CFTR: variants seen among roughly 807,000 people sequenced by gnomAD.
CFTR encodes CF transmembrane conductance regulator.
Under a neutral mutation model 171.6 loss-of-function variants are expected in CFTR, and 181 were observed. The observed-to-expected ratio is 1.05, with a 90% CI of 0.93 to 1.19. The LOEUF (loss-of-function observed/expected upper bound fraction) is 1.19. Ranked by LOEUF, CFTR falls within the 50% of genes most tolerant of loss-of-function variation. The pLI, the probability that CFTR is intolerant of heterozygous loss-of-function variation, is 0.00. For missense variants in CFTR, 1,968 were observed against 1,734.7 expected (o/e 1.13, Z -2.39); for synonymous variants, 583 against 608.0 (o/e 0.96, Z 0.60).
At position 117,569,645 on chromosome 7, in the gene CFTR, G is replaced by GAGAAA. The variant is rs553939466; in HGVS notation, c.1584+9993_1584+9997dup. On this transcript the variant is annotated intron_variant, in intron 11 of 26. Coordinates refer to ENST00000003084, the MANE Select transcript of CFTR (RefSeq NM_000492.4). Reference sequence around the variant, plus strand: ...GAGCATTTGAAATTTCAGTACAGAAGAGAAAAGGGGTGACTTATAGAAAAA... The same window carrying GAGAAA: ...GAGCATTTGAAATTTCAGTACAGAAGAGAAAAGAAAAGGGGTGACTTATAGAAAAA... 2.4e-3 allele frequency among the ~76,000 whole-genome samples: 371 copies of GAGAAA among 152,270 alleles called. 6 individuals are homozygous for GAGAAA. The highest frequency in any genetic ancestry group is 0.019 in the Admixed American group (287 of 15,284).
chr7:117,602,980 T>C (rs979231973), intron 16 of CFTR, 117 bp downstream of exon 16: 8 of 1,008,662 alleles, frequency 7.9e-6, no homozygotes, highest in Non-Finnish European at 1.3e-5. Context: ...CCAAGCATTA[T>C]GGTAGTGGAA....
Position 117,594,712 on chromosome 7 carries a change from C to T in CFTR, c.2491-218C>T, listed in dbSNP as rs543820105. ...ACATTTTTAGAATTTTGAAAAATTA[C>T]GATGTTTCTCATTTTTAATAAAGCT... On this transcript the variant is annotated intron_variant, in intron 14 of 26. Transcript: ENST00000003084. 4.8e-4 allele frequency among the ~76,000 whole-genome samples: 73 copies of T among 152,150 alleles called. 1 individual carries two copies. In the South Asian group the frequency reaches 9.8e-3, roughly 20 times the overall value.
chr7:117,600,132 GA>G lies in CFTR; in HGVS notation c.2620-2686del, dbSNP rs1192389411. ...AAAATTTCTTCAAAGCTATTAAACT[GA>G]AAAAAAATTAATTTGGTCTATTCAG... On this transcript the variant is annotated intron_variant, in intron 15 of 26. Transcript: ENST00000003084. Among the ~76,000 whole-genome samples, 9 of 151,550 alleles carry G rather than the reference GA, an allele frequency of 5.9e-5. No homozygotes were observed. In the South Asian group the frequency reaches 1.5e-3, roughly 25 times the overall value.
chr7:117,536,409 T>A (rs1798956008), intron 6 of CFTR, 139 bp from the exon 7 acceptor site: 2 of 860,214 alleles, frequency 2.3e-6, no homozygotes, highest in Non-Finnish European at 3.7e-6. Context: ...TTATTTTTGT[T>A]ACCATCTATT....
intron 10 of CFTR, among the ~76,000 whole-genome samples, chr7:117,553,516 A>T (rs1799304547): frequency 6.6e-6 from 1 of 152,204 alleles, no homozygotes; most frequent in Non-Finnish European, 1.5e-5. Context: ...ATTCGTACTC[A>T]TGCCATACAC....
intron 3 of CFTR, among the ~76,000 whole-genome samples, chr7:117,518,270 G>A (rs1367586016): frequency 6.8e-6 from 1 of 147,346 alleles, no homozygotes; most frequent in Non-Finnish European, 1.5e-5. Context: ...TCACATATAT[G>A]TCTCTAACCC....
Position 117,592,516 on chromosome 7 carries a change from T to C in CFTR, c.2349T>C (p.Ile783=). The C allele has an allele frequency of 6.5e-7, 1 of 1,529,498 alleles. No individual in the cohort carries two copies. The highest frequency in any genetic ancestry group is 8.8e-7 in the Non-Finnish European group (1 of 1,141,640). 94.7% of individuals were successfully genotyped at this position (1,529,498 alleles called of 1,614,324 possible). Reference sequence around the variant, plus strand: ...ACTCAGTTAACCAAGGTCAGAACATTCACCGAAAGACAACAGCATCCACAC... The same window carrying C: ...ACTCAGTTAACCAAGGTCAGAACATCCACCGAAAGACAACAGCATCCACAC... ...MTHSVNQGQN[I]HRKTTASTRK... The change falls in exon 14 of 27, where the codon ATT becomes ATC. Residue 783 remains isoleucine (I), a synonymous_variant. Transcript: ENST00000003084.
At chr7:117,560,974 G>A (rs758543641) in intron 11 of CFTR, among the ~76,000 whole-genome samples, 53 of 151,826 alleles carry the variant, frequency 3.5e-4, no homozygotes, top group Non-Finnish European at 6.3e-4. Flanking sequence ...TTTTTTTTGC[G>A]TTAAGTATGT....
At chr7:117,646,574 C>T (rs1197739478) in intron 23 of CFTR, among the ~76,000 whole-genome samples, 1 of 152,074 alleles carries the variant, frequency 6.6e-6, no homozygotes, top group East Asian at 1.9e-4. Context: ...CAAGTGCCAA[C>T]ATGGCTTCAC....
At chr7:117,537,039 G>C (rs1562891177) in intron 7 of CFTR, among the ~76,000 whole-genome samples, 1 of 152,106 alleles carries the variant, frequency 6.6e-6, no homozygotes, top group Non-Finnish European at 1.5e-5. Context: ...GAACCAAATA[G>C]ATGATTCTCT....
rs1798381390 is a variant in CFTR at position 117,504,371 on chromosome 7, C to CA, written c.164+9dup. On this transcript the variant is annotated intron_variant, in intron 2 of 26. Transcript: ENST00000003084. ...ATCTGAAAAATTGGAAAGGTATGTTCATGTACATTGTTTAGTTGAAGAGAG... is the reference window on the plus strand; with the variant it reads ...ATCTGAAAAATTGGAAAGGTATGTTCAATGTACATTGTTTAGTTGAAGAGAG... 3 of 1,315,962 alleles carry CA rather than the reference C, an allele frequency of 2.3e-6. No homozygotes were observed. The highest frequency in any genetic ancestry group is 1.4e-5 in the African/African-American group (1 of 69,114). The allele number at this position is 1,315,962 out of a possible 1,614,324, so 81.5% of individuals were successfully genotyped here.
chr7:117,595,154 TATATACAC>T (rs2077167310), intron 15 of CFTR, 96 bp downstream of exon 15: 1 of 954,000 alleles, frequency 1.0e-6, no homozygotes, highest in African/African-American at 1.6e-5. Context: ...TAAATATGTA[TATATACAC>T]ATGTATACAT....
At chr7:117,611,241 G>T (rs2116082890) in intron 19 of CFTR, among the ~76,000 whole-genome samples, 1 of 152,138 alleles carries the variant, frequency 6.6e-6, no homozygotes, top group East Asian at 1.9e-4. Flanking sequence ...CCTTAATTTA[G>T]ATACTTGAAA....
At chr7:117,568,989 C>T (rs1001971732) in intron 11 of CFTR, among the ~76,000 whole-genome samples, 1 of 152,216 alleles carries the variant, frequency 6.6e-6, no homozygotes, top group African/African-American at 2.4e-5. Flanking sequence ...AGGGTGAAAA[C>T]AATGTGTTCC....
chr7:117,542,275 A>G (rs1799068314), intron 9 of CFTR, among the ~76,000 whole-genome samples, 167 bp downstream of exon 9: 2 of 152,174 alleles, frequency 1.3e-5, no homozygotes, highest in South Asian at 4.1e-4. Flanking sequence ...AGGAATGGCC[A>G]GGTGCTCATG....
intron 22 of CFTR, among the ~76,000 whole-genome samples, chr7:117,635,241 A>C (rs1486348826): frequency 1.3e-5 from 2 of 152,102 alleles, no homozygotes; most frequent in Non-Finnish European, 1.5e-5. Context: ...GTTCTCTCTG[A>C]AAGAAATATA....
At chr7:117,549,630 G>A (rs1190944357) in intron 10 of CFTR, among the ~76,000 whole-genome samples, 1 of 152,154 alleles carries the variant, frequency 6.6e-6, no homozygotes, top group Non-Finnish European at 1.5e-5. Flanking sequence ...AAGGGCAATA[G>A]GTATTTGCTT....
At chr7:117,571,477 G>A (rs1374384548) in intron 11 of CFTR, among the ~76,000 whole-genome samples, 1 of 152,122 alleles carries the variant, frequency 6.6e-6, no homozygotes, top group African/African-American at 2.4e-5. Context: ...TCTTAGACCA[G>A]TTGAATCAAA....
At chr7:117,538,674 CA>C (rs1798997169) in intron 7 of CFTR, among the ~76,000 whole-genome samples, 1 of 152,172 alleles carries the variant, frequency 6.6e-6, no homozygotes, top group Non-Finnish European at 1.5e-5. Flanking sequence ...AACAACTCCA[CA>C]AAGGAGATGA....
Sources: gnomAD v4.1 joint callset for allele counts (sites outside exome capture counted in the v4.1 genomes callset) on GRCh38, gnomAD v4.1.1 for gene constraint, MANE v1.5 for transcripts, NCBI Gene and HGNC (gene_info 2026-07-23, HGNC 2026-07-21) for gene names.